The following NSMAF variants were observed in gnomAD, a reference collection of about 807,000 sequenced individuals.
The protein encoded by NSMAF is neutral sphingomyelinase activation associated factor.
NSMAF carries 90 observed loss-of-function variants against 134.9 expected under a neutral mutation model. The ratio of observed to expected loss-of-function variants is 0.67; its 90% CI spans 0.56 to 0.79. The LOEUF (loss-of-function observed/expected upper bound fraction) is 0.79. Ranked by LOEUF, NSMAF falls within the 30% of genes least tolerant of loss-of-function variation. The probability of loss-of-function intolerance (pLI) is 0.00; values close to 1 mark genes in which losing one functional copy is unlikely to be tolerated. For synonymous variants in NSMAF, 358 were observed against 389.6 expected (o/e 0.92, Z 0.96); for missense variants, 1,010 against 1,119.0 (o/e 0.90, Z 1.39).
intron 16 of NSMAF, 98 bp downstream of exon 16, chr8:58,601,187 C>A (rs1806270070): frequency 2.9e-6 from 3 of 1,036,418 alleles, no homozygotes. Flanking sequence ...TTTTACATTT[C>A]TTTACTTTTT....
At chr8:58,601,972 C>T in intron 14 of NSMAF, 86 bp downstream of exon 14, 1 of 1,065,522 alleles carries the variant, frequency 9.4e-7, no homozygotes, top group South Asian at 1.4e-5. Context: ...TCCCCTAAGC[C>T]TTGGAGAAAC....
At chr8:58,605,895 AAG>A (rs1491039491) in intron 12 of NSMAF, 30 bp downstream of exon 12, 18 of 1,521,350 alleles carry the variant, frequency 1.2e-5, no homozygotes, top group African/African-American at 5.7e-5. Flanking sequence ...AAAAAAAAAA[AAG>A]AAAGAAACAA....
chr8:58,601,992 T>C, intron 14 of NSMAF, 66 bp downstream of exon 14: 1 of 1,279,592 alleles, frequency 7.8e-7, no homozygotes, highest in Admixed American at 2.0e-5. Context: ...CGAATTTCCT[T>C]CCATAAAAAC....
chr8:58,636,343 A>G (rs1807173570), intron 2 of NSMAF, among the ~76,000 whole-genome samples: 1 of 152,218 alleles, frequency 6.6e-6, no homozygotes, highest in African/African-American at 2.4e-5. Flanking sequence ...GCCTCTCTTA[A>G]TAAGTGACCA....
chr8:58,605,881 A>AC (rs781320302), intron 12 of NSMAF, 46 bp downstream of exon 12: 8 of 139,732 alleles, frequency 5.7e-5, no homozygotes, highest in Non-Finnish European at 1.3e-4. Context: ...CTCAGCCTCC[A>AC]AAAAAAAAAA....
At chr8:58,603,184 G>A (rs775957577) in intron 13 of NSMAF, 26 bp downstream of exon 13, 4 of 1,609,040 alleles carry the variant, frequency 2.5e-6, no homozygotes, top group Non-Finnish European at 2.6e-6. Context: ...ACTCAACTTG[G>A]TCAGAATTCC....
chr8:58,608,147 T>A (rs1454460681), intron 10 of NSMAF, among the ~76,000 whole-genome samples: 1 of 152,204 alleles, frequency 6.6e-6, no homozygotes, highest in Non-Finnish European at 1.5e-5. Flanking sequence ...CAGGTTAGAT[T>A]GTGGGGTGAT....
At chr8:58,584,898 C>T (rs564891991) in intron 30 of NSMAF, among the ~76,000 whole-genome samples, 1 of 152,272 alleles carries the variant, frequency 6.6e-6, no homozygotes, top group South Asian at 2.1e-4. Flanking sequence ...AAAGTGCTGG[C>T]ATTACAGGCC....
At chr8:58,618,481 C>T (rs1418983935) in intron 9 of NSMAF, among the ~76,000 whole-genome samples, 1 of 151,786 alleles carries the variant, frequency 6.6e-6, no homozygotes, top group African/African-American at 2.4e-5. Context: ...GGATATCCTT[C>T]TAACAAGTAC....
intron 23 of NSMAF, among the ~76,000 whole-genome samples, chr8:58,593,449 T>A (rs1165687322): frequency 6.6e-6 from 1 of 152,234 alleles, no homozygotes; most frequent in Non-Finnish European, 1.5e-5. Flanking sequence ...ATGAAAAATA[T>A]AATCTCCTAT....
intron 11 of NSMAF, among the ~76,000 whole-genome samples, chr8:58,607,330 G>A (rs1248733596): frequency 6.6e-6 from 1 of 152,210 alleles, no homozygotes; most frequent in Admixed American, 6.5e-5. Context: ...CAGCCCAAAG[G>A]TTGAATTAAT....
chr8:58,630,798 A>G (rs1764337180), intron 6 of NSMAF, among the ~76,000 whole-genome samples: 1 of 152,148 alleles, frequency 6.6e-6, no homozygotes, highest in Non-Finnish European at 1.5e-5. Flanking sequence ...CGCCTAAGAG[A>G]TTGCAGACTG....
At chr8:58,590,625 A>T (rs1163501483) in intron 24 of NSMAF, among the ~76,000 whole-genome samples, 1 of 152,230 alleles carries the variant, frequency 6.6e-6, no homozygotes, top group African/African-American at 2.4e-5. Flanking sequence ...TTTAAGTAGA[A>T]TTCTACTGGG....
At chr8:58,656,603 G>A (rs1205940392) in intron 1 of NSMAF, among the ~76,000 whole-genome samples, 1 of 152,052 alleles carries the variant, frequency 6.6e-6, no homozygotes, top group African/African-American at 2.4e-5. Flanking sequence ...AAGGCGGGTG[G>A]GTGGATCACG....
intron 1 of NSMAF, among the ~76,000 whole-genome samples, chr8:58,649,056 C>G (rs950325791): frequency 6.6e-6 from 1 of 152,226 alleles, no homozygotes; most frequent in African/African-American, 2.4e-5. Flanking sequence ...GCACTCAACT[C>G]CAACCTGTGA....
chr8:58,645,760 G>A (rs1807434334), intron 1 of NSMAF, among the ~76,000 whole-genome samples: 1 of 152,134 alleles, frequency 6.6e-6, no homozygotes, highest in South Asian at 2.1e-4. Context: ...AAAATAATAG[G>A]CCAGGCGCAG....
chr8:58,653,511 A>C (rs1490504642), intron 1 of NSMAF, among the ~76,000 whole-genome samples: 1 of 152,154 alleles, frequency 6.6e-6, no homozygotes, highest in Non-Finnish European at 1.5e-5. Context: ...CAAAGCAAAT[A>C]ACCAGAAGAA....
chr8:58,636,117 A>T (rs1478193409), intron 2 of NSMAF, among the ~76,000 whole-genome samples: 1 of 152,192 alleles, frequency 6.6e-6, no homozygotes, highest in Admixed American at 6.5e-5. Context: ...AATACCCAAA[A>T]TTACCCAATA....
intron 1 of NSMAF, 22 bp downstream of exon 1, chr8:58,659,551 C>T (rs1807814023): frequency 6.6e-7 from 1 of 1,524,948 alleles, no homozygotes; most frequent in Non-Finnish European, 8.8e-7. Flanking sequence ...CCGGCTGGGC[C>T]CTTCTTCAGC....
Sources: allele counts gnomAD v4.1 joint callset (sites outside exome capture counted in the v4.1 genomes callset), GRCh38; gene constraint gnomAD v4.1.1; transcripts MANE v1.5; gene names NCBI Gene and HGNC (gene_info 2026-07-23, HGNC 2026-07-21).